The following SMARCC1 variants were observed in gnomAD, a reference collection of about 807,000 sequenced individuals.
SMARCC1 encodes SWI/SNF related BAF chromatin remodeling complex subunit C1.
A neutral mutation model predicts 147.4 loss-of-function variants in SMARCC1; 43 were observed. The observed-to-expected ratio is 0.29, with a 90% CI of 0.23 to 0.38. The LOEUF (loss-of-function observed/expected upper bound fraction) is 0.38. Ranked by LOEUF, SMARCC1 falls within the 10% of genes least tolerant of loss-of-function variation. The pLI is 1.00. For synonymous variants in SMARCC1, 495 were observed against 484.4 expected, an observed-to-expected ratio of 1.02 and a Z score of -0.29; for missense variants, 1,119 against 1,381.1, an observed-to-expected ratio of 0.81 and a Z score of 3.01.
At chr3:47,679,492 T>G (rs900736035) in intron 15 of SMARCC1, among the ~76,000 whole-genome samples, 1 of 152,154 alleles carries the variant, frequency 6.6e-6, no homozygotes, top group Non-Finnish European at 1.5e-5. Context: ...CAGTCACACA[T>G]CAGGAAGATA....
chr3:47,667,475 A>C (rs1432113145), intron 19 of SMARCC1, among the ~76,000 whole-genome samples: 2 of 152,266 alleles, frequency 1.3e-5, no homozygotes, highest in African/African-American at 4.8e-5. Context: ...CAAACACTAG[A>C]GCTATCACGG....
At chr3:47,747,400 A>G (rs1431476854) in intron 2 of SMARCC1, among the ~76,000 whole-genome samples, 1 of 122,648 alleles carries the variant, frequency 8.2e-6, no homozygotes, top group African/African-American at 2.8e-5. Flanking sequence ...CCATGCCACT[A>G]TACTCTAGCC....
At chr3:47,771,945 G>C (rs1259919574) in intron 2 of SMARCC1, among the ~76,000 whole-genome samples, 1 of 151,886 alleles carries the variant, frequency 6.6e-6, no homozygotes, top group East Asian at 1.9e-4. Context: ...AGCTGGGTGT[G>C]GTGGCGCGCA....
At chr3:47,593,126 C>G (rs189351359) in intron 26 of SMARCC1, among the ~76,000 whole-genome samples, 1 of 151,550 alleles carries the variant, frequency 6.6e-6, no homozygotes, top group African/African-American at 2.4e-5. Context: ...CGCACCTGGC[C>G]GTAGTCTTGG....
chr3:47,709,688 AAAAT>A (rs1204814515), intron 9 of SMARCC1, among the ~76,000 whole-genome samples: 1 of 152,120 alleles, frequency 6.6e-6, no homozygotes, highest in Non-Finnish European at 1.5e-5. Flanking sequence ...TCTGTCTCAA[AAAAT>A]AAATAAATAA....
intron 3 of SMARCC1, among the ~76,000 whole-genome samples, chr3:47,745,077 GGCC>G (rs1162534215): frequency 8.5e-5 from 13 of 152,078 alleles, no homozygotes; most frequent in African/African-American, 3.1e-4. Context: ...AGACCAGCCT[GGCC>G]AACATGGTGA....
chr3:47,754,015 A>G (rs1221735098), intron 2 of SMARCC1, among the ~76,000 whole-genome samples: 3 of 152,124 alleles, frequency 2.0e-5, no homozygotes, highest in African/African-American at 7.2e-5. Context: ...AATTCCATAC[A>G]TTTACTTATC....
intron 21 of SMARCC1, among the ~76,000 whole-genome samples, chr3:47,643,033 G>A (rs1410466187): frequency 1.3e-5 from 2 of 152,308 alleles, no homozygotes; most frequent in South Asian, 2.1e-4. Context: ...GTGGCAGAGC[G>A]AGACCCTGTC....
intron 25 of SMARCC1, among the ~76,000 whole-genome samples, chr3:47,611,890 C>T (rs778750801): frequency 3.3e-5 from 5 of 152,134 alleles, no homozygotes; most frequent in East Asian, 1.9e-4. Context: ...AGAGAGTAAA[C>T]GGTATAGCTT....
At chr3:47,602,931 C>A (rs193123053) in intron 26 of SMARCC1, among the ~76,000 whole-genome samples, 3 of 152,138 alleles carry the variant, frequency 2.0e-5, no homozygotes, top group Non-Finnish European at 4.4e-5. Context: ...GAGAGGATCG[C>A]GTGAGCTCAA....
intron 26 of SMARCC1, among the ~76,000 whole-genome samples, chr3:47,600,998 TGAGAGAGA>T (rs66582985): frequency 0.04 from 3,375 of 85,162 alleles, 227 homozygotes; most frequent in African/African-American, 0.16. Flanking sequence ...AGGAAGAAAA[TGAGAGAGA>T]GAGAGAGAGA....
intron 24 of SMARCC1, among the ~76,000 whole-genome samples, chr3:47,623,886 T>G (rs1170605350): frequency 6.7e-6 from 1 of 150,012 alleles, no homozygotes; most frequent in Non-Finnish European, 1.5e-5. Context: ...TTTCTGGTAT[T>G]TTTTTTTTTT....
At chr3:47,634,025 C>T (rs146680884) in intron 24 of SMARCC1, among the ~76,000 whole-genome samples, 79 of 151,980 alleles carry the variant, frequency 5.2e-4, no homozygotes, top group African/African-American at 1.8e-3. Context: ...TTATATTAGC[C>T]GTCACTTAAG....
intron 6 of SMARCC1, among the ~76,000 whole-genome samples, chr3:47,727,063 A>T (rs2034308185): frequency 6.6e-6 from 1 of 151,916 alleles, no homozygotes; most frequent in Non-Finnish European, 1.5e-5. Flanking sequence ...TACAAAAAAA[A>T]TTAGCTGGGT....
rs2033458689 is a variant in SMARCC1, at chr3:47,668,901, G to A, written c.1899+1757C>T. Among the ~76,000 whole-genome samples the A allele has an allele frequency of 2.0e-5, 3 of 151,014 alleles. No homozygotes were observed. In the South Asian group the frequency reaches 6.3e-4, roughly 32 times the overall value. Reference sequence around the variant, plus strand: ...ACCCTGTCTTAAAAAAAAAAAAAAGGTACGATGCTATTTTGAAAACAGCAA... The same window carrying A: ...ACCCTGTCTTAAAAAAAAAAAAAAGATACGATGCTATTTTGAAAACAGCAA... On this transcript the variant is annotated intron_variant, in intron 19 of 27. Transcript: ENST00000254480.
intron 7 of SMARCC1, among the ~76,000 whole-genome samples, chr3:47,717,477 T>C (rs1164821655): frequency 6.6e-6 from 1 of 152,136 alleles, no homozygotes; most frequent in Non-Finnish European, 1.5e-5. Flanking sequence ...TACCAACTAA[T>C]CCCAACAGGT....
chr3:47,610,697 G>A (rs2032552631), intron 25 of SMARCC1: 2 of 259,720 alleles, frequency 7.7e-6, no homozygotes, highest in South Asian at 1.1e-4. Flanking sequence ...CAGGTAAAAC[G>A]AGCCTCTCTT....
At chr3:47,699,549 T>TC (rs1390208286) in intron 11 of SMARCC1, among the ~76,000 whole-genome samples, 4 of 152,058 alleles carry the variant, frequency 2.6e-5, no homozygotes, top group Non-Finnish European at 5.9e-5. Flanking sequence ...CATATATACA[T>TC]CCAGTGCCCA....
rs2032090207 is a variant in SMARCC1 at position 47,587,470 on chromosome 3, G to C, written c.*739C>G. 1 of 152,364 alleles carries C rather than the reference G, an allele frequency of 6.6e-6. No individual in the cohort carries two copies. Among genetic ancestry groups the C allele is most frequent in the Admixed American group, 6.5e-5 (1 of 15,274 alleles). 9.4% of individuals were successfully genotyped at this position (152,364 alleles called of 1,614,324 possible). Reference sequence around the variant, plus strand: ...TCTGCATAGAAAACCAGAGCCAGCAGGCCTAGGGAAGGAGCGGATGTTTGT... The same window carrying C: ...TCTGCATAGAAAACCAGAGCCAGCACGCCTAGGGAAGGAGCGGATGTTTGT... On this transcript the variant is annotated 3_prime_UTR_variant, in exon 28 of 28. Transcript: ENST00000254480.
Sources: gnomAD v4.1 joint callset for allele counts (sites outside exome capture counted in the v4.1 genomes callset) on GRCh38, gnomAD v4.1.1 for gene constraint, MANE v1.5 for transcripts, NCBI Gene and HGNC (gene_info 2026-07-23, HGNC 2026-07-21) for gene names.